Variants in STRN observed in about 807,000 individuals in gnomAD.
The protein encoded by STRN is striatin.
In STRN, 53 loss-of-function variants were observed where a neutral mutation model predicts 96.3. The observed-to-expected ratio is 0.55, with a 90% confidence interval of 0.44 to 0.69. The LOEUF (loss-of-function observed/expected upper bound fraction) is 0.69, where lower values mean the gene tolerates loss of function less well. STRN is among the 30% of genes least tolerant of loss of function. The pLI is 0.00. For missense variants in STRN, 987 were observed against 963.9 expected, an observed-to-expected ratio of 1.02 and a Z score of -0.32; for synonymous variants, 428 against 355.9, an observed-to-expected ratio of 1.20 and a Z score of -2.28.
Position 36,840,940 on chromosome 2 carries a change from A to G in STRN, c.*8516T>C, listed in dbSNP as rs1667937159. The G allele has an allele frequency of 6.6e-6, 1 of 152,206 alleles. No homozygotes were observed. The allele number at this position is 152,206 out of a possible 1,614,324, so 9.4% of individuals were successfully genotyped here. A position where few individuals can be genotyped will look rare whatever the true frequency, so the allele number is the denominator to read the frequency against. The stretch of plus-strand genomic sequence containing the variant: ...TTTGTATTCCAAAAATAATTTCTGA[A>G]AATCACAGGAAAGAAAACTTTTGTG... On this transcript the variant is annotated 3_prime_UTR_variant, in exon 18 of 18. Coordinates refer to ENST00000263918, the MANE Select transcript of STRN (RefSeq NM_003162.4).
chr2:36,966,290 G>T lies in STRN; in HGVS notation c.174C>A (p.His58Gln). ...SLPGILHFLQ[H>Q]EWARFEVERA... Reference sequence around the variant, plus strand: ...TCTCCACCTCGAAGCGGGCCCACTCGTGCTGCAGGAAGTGCAGGATCCCCG... The same window carrying T: ...TCTCCACCTCGAAGCGGGCCCACTCTTGCTGCAGGAAGTGCAGGATCCCCG... Residue 58 changes from histidine (H) to glutamine (Q), a missense_variant, in exon 1 of 18, where the codon CAC (histidine) becomes CAA (glutamine). Transcript: ENST00000263918. 6.3e-7 allele frequency: 1 copy of T among 1,580,558 alleles called. No homozygotes were observed.
intron 1 of STRN, among the ~76,000 whole-genome samples, chr2:36,964,800 G>A (rs1220664383): frequency 6.6e-6 from 1 of 152,152 alleles, no homozygotes; most frequent in African/African-American, 2.4e-5. Context: ...TTCTATAGGC[G>A]CATTTGCTGG....
chr2:36,908,127 T>C (rs561695834), intron 3 of STRN, among the ~76,000 whole-genome samples: 1 of 152,356 alleles, frequency 6.6e-6, no homozygotes, highest in African/African-American at 2.4e-5. Context: ...TACCCCCTTC[T>C]TAAGTCAAGT....
intron 1 of STRN, among the ~76,000 whole-genome samples, chr2:36,960,464 G>A (rs1019702653): frequency 1.3e-5 from 2 of 152,148 alleles, no homozygotes; most frequent in African/African-American, 4.8e-5. Flanking sequence ...TGAAGATTAT[G>A]CTTTTCTCTG....
At position 36,842,860 on chromosome 2, in the gene STRN, G is replaced by A. The variant is rs1438253354; in HGVS notation, c.*6596C>T. On this transcript the variant is annotated 3_prime_UTR_variant, in exon 18 of 18. Coordinates refer to ENST00000263918, the MANE Select transcript of STRN (RefSeq NM_003162.4). ...GTTCTGGTCATCCTGAGAAGTAACAGGCGGAGGGATGCTCCATGATTATAA... is the reference window on the plus strand; with the variant it reads ...GTTCTGGTCATCCTGAGAAGTAACAAGCGGAGGGATGCTCCATGATTATAA... Among the ~76,000 whole-genome samples, 2 of 152,154 alleles carry A rather than the reference G, an allele frequency of 1.3e-5. No individual in the cohort carries two copies. Among genetic ancestry groups the A allele is most frequent in the Non-Finnish European group, 2.9e-5 (2 of 68,012 alleles).
intron 1 of STRN, among the ~76,000 whole-genome samples, chr2:36,957,744 CTTTTTTT>C (rs1159531782): frequency 0.044 from 3,865 of 88,270 alleles, 28 homozygotes; most frequent in East Asian, 0.1. Flanking sequence ...TTCTTTTTGT[CTTTTTTT>C]TTTTTTTTTT....
chr2:36,909,993 T>C (rs1260515688), intron 3 of STRN, among the ~76,000 whole-genome samples: 2 of 151,898 alleles, frequency 1.3e-5, no homozygotes, highest in Non-Finnish European at 2.9e-5. Context: ...GCCAACATGG[T>C]AAAACCCCAT....
chr2:36,863,818 A>G (rs1318374400), intron 12 of STRN, among the ~76,000 whole-genome samples: 1 of 152,118 alleles, frequency 6.6e-6, no homozygotes, highest in Non-Finnish European at 1.5e-5. Context: ...TCTTTGTGTC[A>G]TCTCTGATTT....
At chr2:36,866,605 T>G (rs1264556807) in intron 12 of STRN, among the ~76,000 whole-genome samples, 1 of 152,226 alleles carries the variant, frequency 6.6e-6, no homozygotes, top group African/African-American at 2.4e-5. Flanking sequence ...TTTTCTGCCT[T>G]GATGATCTAA....
chr2:36,964,121 G>A lies in STRN; in HGVS notation c.234+2109C>T, dbSNP rs561255782. Among the ~76,000 whole-genome samples, 6 of 140,268 alleles carry A rather than the reference G, an allele frequency of 4.3e-5. No individual in the cohort carries two copies. In the South Asian group the frequency reaches 1.3e-3, roughly 32 times the overall value. The allele number at this position is 140,268 out of a possible 152,430, so 92.0% of individuals were successfully genotyped here. ...TGGAGATGTGTGCATAAAAACTGAA[G>A]ATCAACTACAGTTACCAGTAAATTG... On this transcript the variant is annotated intron_variant, in intron 1 of 17. Coordinates refer to ENST00000263918, the MANE Select transcript of STRN (RefSeq NM_003162.4).
intron 2 of STRN, among the ~76,000 whole-genome samples, chr2:36,921,230 G>A (rs557622313): frequency 2.0e-4 from 31 of 152,180 alleles, no homozygotes; most frequent in African/African-American, 7.5e-4. Context: ...CACTCCAAAT[G>A]ACTATTTTCA....
At chr2:36,903,930 C>G (rs910158126) in intron 4 of STRN, among the ~76,000 whole-genome samples, 2 of 152,148 alleles carry the variant, frequency 1.3e-5, no homozygotes, top group Non-Finnish European at 2.9e-5. Context: ...AACAAAATCA[C>G]ATTACAAATA....
chr2:36,891,833 A>G (rs984056796), intron 7 of STRN, among the ~76,000 whole-genome samples: 9 of 152,222 alleles, frequency 5.9e-5, no homozygotes, highest in African/African-American at 1.9e-4. Flanking sequence ...GTCACTACAT[A>G]TAATGACCAA....
chr2:36,881,104 T>C (rs1455959562), intron 9 of STRN, among the ~76,000 whole-genome samples: 2 of 145,012 alleles, frequency 1.4e-5, no homozygotes, highest in Non-Finnish European at 3.0e-5. Flanking sequence ...GCCTTTTAAA[T>C]GTGACACTGC....
At chr2:36,865,681 C>T (rs192457962) in intron 12 of STRN, among the ~76,000 whole-genome samples, 7 of 152,228 alleles carry the variant, frequency 4.6e-5, no homozygotes, top group Non-Finnish European at 7.4e-5. Context: ...CCTGCCTCAG[C>T]CTCCTGAGTA....
At chr2:36,890,869 G>A (rs370293668) in intron 7 of STRN, among the ~76,000 whole-genome samples, 5 of 152,280 alleles carry the variant, frequency 3.3e-5, no homozygotes, top group African/African-American at 1.2e-4. Flanking sequence ...CTAAGGGCAA[G>A]AAGAAGTCAG....
In STRN at chr2:36,855,772, A is replaced by T. The variant is rs185883760; in HGVS notation, c.1838-420T>A. Among the ~76,000 whole-genome samples the T allele has an allele frequency of 6.3e-3, 967 of 152,326 alleles. 10 individuals are homozygous for T. The highest frequency in any genetic ancestry group is 0.021 in the African/African-American group (871 of 41,576). On this transcript the variant is annotated intron_variant, in intron 14 of 17. Transcript: ENST00000263918. ...ATAGAGAAATTAAAAAGTAAAATTTAAAATTATTATTTATCGTTAGAGTCA... is the reference window on the plus strand; with the variant it reads ...ATAGAGAAATTAAAAAGTAAAATTTTAAATTATTATTTATCGTTAGAGTCA...
At chr2:36,950,242 GTCTCAC>G (rs1238766145) in intron 1 of STRN, among the ~76,000 whole-genome samples, 1 of 130,332 alleles carries the variant, frequency 7.7e-6, no homozygotes, top group Non-Finnish European at 1.6e-5. Flanking sequence ...TTGAGACTGA[GTCTCAC>G]TCTATCACCC....
intron 1 of STRN, among the ~76,000 whole-genome samples, chr2:36,946,840 A>G (rs868737526): frequency 2.0e-4 from 31 of 152,342 alleles, no homozygotes; most frequent in African/African-American, 7.5e-4. Context: ...GATAGTTTCT[A>G]GTCAATGATT....
Sources: gnomAD v4.1 joint callset for allele counts (sites outside exome capture counted in the v4.1 genomes callset) on GRCh38, gnomAD v4.1.1 for gene constraint, MANE v1.5 for transcripts, NCBI Gene and HGNC (gene_info 2026-07-23, HGNC 2026-07-21) for gene names.